Variants in MCC observed in about 807,000 individuals in gnomAD.
MCC encodes colorectal mutant cancer protein.
Under a neutral mutation model 116.2 loss-of-function variants are expected in MCC, and 90 were observed. That is an observed-to-expected ratio of 0.77 (90% CI 0.65 to 0.92). MCC has a LOEUF of 0.92. Ranked by LOEUF, MCC falls within the 40% of genes least tolerant of loss-of-function variation. The probability of loss-of-function intolerance (pLI) is 0.00; values close to 1 mark genes in which losing one functional copy is unlikely to be tolerated. For missense variants in MCC, 1,516 were observed against 1,312.2 expected (o/e 1.16, Z -2.40); for synonymous variants, 578 against 510.5 (o/e 1.13, Z -1.78).
At chr5:113,205,150 A>G (rs1020366764) in intron 3 of MCC, among the ~76,000 whole-genome samples, 1 of 151,936 alleles carries the variant, frequency 6.6e-6, no homozygotes, top group African/African-American at 2.4e-5. Flanking sequence ...ATTTTTCTCT[A>G]TGAGTTCCCT....
chr5:113,089,222 C>T (rs1181352423), intron 8 of MCC, among the ~76,000 whole-genome samples: 1 of 152,138 alleles, frequency 6.6e-6, no homozygotes, highest in Non-Finnish European at 1.5e-5. Flanking sequence ...TGTCAAAGTG[C>T]AGAAGAAGAA....
chr5:113,347,361 A>T (rs1222279850), intron 2 of MCC, among the ~76,000 whole-genome samples: 2 of 151,806 alleles, frequency 1.3e-5, no homozygotes, highest in Non-Finnish European at 2.9e-5. Flanking sequence ...AAAGTGTGGA[A>T]TTTTTATTAG....
chr5:113,229,281 C>T (rs559302999), intron 3 of MCC, among the ~76,000 whole-genome samples: 1 of 152,182 alleles, frequency 6.6e-6, no homozygotes, highest in East Asian at 1.9e-4. Flanking sequence ...GAACTAAATG[C>T]CTATTTAAAA....
intron 3 of MCC, among the ~76,000 whole-genome samples, chr5:113,243,560 C>T (rs1422659856): frequency 6.6e-6 from 1 of 152,208 alleles, no homozygotes; most frequent in Non-Finnish European, 1.5e-5. Flanking sequence ...GAGCCATGGG[C>T]CTCCACTGTT....
intron 3 of MCC, among the ~76,000 whole-genome samples, chr5:113,237,767 C>T (rs528745361): frequency 6.6e-6 from 1 of 152,342 alleles, no homozygotes; most frequent in Non-Finnish European, 1.5e-5. Context: ...GCAAGGCTCT[C>T]ATAGAACCCA....
intron 3 of MCC, among the ~76,000 whole-genome samples, chr5:113,174,068 T>G (rs1053253638): frequency 6.6e-6 from 1 of 152,078 alleles, no homozygotes; most frequent in Non-Finnish European, 1.5e-5. Context: ...ACTACAGAAA[T>G]GTGTCTAGAA....
At chr5:113,353,784 G>A (rs1029378244) in intron 2 of MCC, among the ~76,000 whole-genome samples, 12 of 152,286 alleles carry the variant, frequency 7.9e-5, no homozygotes, top group African/African-American at 2.6e-4. Flanking sequence ...TTAGCTGACC[G>A]TATGAAGATA....
chr5:113,105,937 T>G (rs1054033249), intron 6 of MCC, among the ~76,000 whole-genome samples: 22 of 152,332 alleles, frequency 1.4e-4, no homozygotes, highest in African/African-American at 5.3e-4. Context: ...ACCATGTCCC[T>G]GGGGAGCTTT....
At chr5:113,199,885 G>A (rs1018846488) in intron 3 of MCC, among the ~76,000 whole-genome samples, 6 of 152,198 alleles carry the variant, frequency 3.9e-5, no homozygotes, top group Non-Finnish European at 8.8e-5. Flanking sequence ...GAAACCCAAG[G>A]GGGATATTTT....
intron 3 of MCC, among the ~76,000 whole-genome samples, chr5:113,241,528 T>C (rs1053053263): frequency 6.6e-6 from 1 of 152,194 alleles, no homozygotes; most frequent in Non-Finnish European, 1.5e-5. Context: ...CTGGAAACTT[T>C]AGAAACTAGT....
chr5:113,056,011 G>C (rs982032537), intron 14 of MCC, among the ~76,000 whole-genome samples: 11 of 152,202 alleles, frequency 7.2e-5, no homozygotes, highest in African/African-American at 2.2e-4. Context: ...TTATCAAATG[G>C]GCCAATTCCT....
chr5:113,227,027 T>A (rs74964823), intron 3 of MCC, among the ~76,000 whole-genome samples: 1 of 152,366 alleles, frequency 6.6e-6, no homozygotes, highest in African/African-American at 2.4e-5. Context: ...AATGCAGTTA[T>A]GACAGGGATA....
chr5:113,328,601 A>G (rs957837944), intron 3 of MCC, among the ~76,000 whole-genome samples: 1 of 152,228 alleles, frequency 6.6e-6, no homozygotes, highest in Non-Finnish European at 1.5e-5. Flanking sequence ...AACTGCATCA[A>G]CGTGGCAGAT....
intron 3 of MCC, among the ~76,000 whole-genome samples, chr5:113,297,433 G>C (rs1453049721): frequency 6.6e-6 from 1 of 152,182 alleles, no homozygotes; most frequent in East Asian, 1.9e-4. Flanking sequence ...GGGCGTGGTG[G>C]CAGGTGCCTG....
intron 1 of MCC, among the ~76,000 whole-genome samples, chr5:113,486,912 G>A (rs934237134): frequency 2.0e-5 from 3 of 151,390 alleles, no homozygotes; most frequent in Non-Finnish European, 2.9e-5. Flanking sequence ...AACCTTTCAA[G>A]TAGGAAAACA....
intron 1 of MCC, among the ~76,000 whole-genome samples, chr5:113,484,549 A>G (rs1360325736): frequency 6.6e-6 from 1 of 152,208 alleles, no homozygotes; most frequent in Admixed American, 6.5e-5. Context: ...AGCAAACAGA[A>G]ATGGAATTAT....
At chr5:113,275,449 T>C (rs1765785874) in intron 3 of MCC, among the ~76,000 whole-genome samples, 1 of 152,232 alleles carries the variant, frequency 6.6e-6, no homozygotes, top group African/African-American at 2.4e-5. Context: ...CAATGCGTAA[T>C]TGTAGCAATT....
rs372197713 is a variant in MCC at position 113,293,445 on chromosome 5, A to C, written c.627+47074T>G. 1.0e-3 allele frequency among the ~76,000 whole-genome samples: 152 copies of C among 152,212 alleles called. 3 individuals carry two copies. In the East Asian group the frequency reaches 0.027, roughly 27 times the overall value. ...GCTCAGTGATGGAACCAAGAGGGAA[A>C]CCCACAGACACCAAGCCTCTAGCTG... On this transcript the variant is annotated intron_variant, in intron 3 of 18. Transcript: ENST00000408903.
chr5:113,394,713 A>G (rs1210055703), intron 1 of MCC, among the ~76,000 whole-genome samples: 1 of 152,148 alleles, frequency 6.6e-6, no homozygotes, highest in Non-Finnish European at 1.5e-5. Context: ...CATAACTCCC[A>G]GTCTAATTTG....
Sources: gnomAD v4.1 joint callset for allele counts (sites outside exome capture counted in the v4.1 genomes callset) on GRCh38, gnomAD v4.1.1 for gene constraint, MANE v1.5 for transcripts, NCBI Gene and HGNC (gene_info 2026-07-23, HGNC 2026-07-21) for gene names.